The following SDK1 variants were observed in gnomAD, a reference collection of about 807,000 sequenced individuals.
SDK1 encodes the protein protein sidekick-1.
SDK1 carries 157 observed loss-of-function variants against 245.5 expected under a neutral mutation model. That is an observed-to-expected ratio of 0.64 (90% CI 0.56 to 0.73). The LOEUF is 0.73. SDK1 is among the 30% of genes least tolerant of loss of function. SDK1 has a pLI of 0.00. For missense variants in SDK1, 3,583 were observed against 3,002.3 expected (o/e 1.19, Z -4.52); for synonymous variants, 1,647 against 1,278.5 (o/e 1.29, Z -6.15).
chr7:3,627,642 C>G (rs532430180), intron 2 of SDK1, among the ~76,000 whole-genome samples: 3 of 152,320 alleles, frequency 2.0e-5, no homozygotes, highest in Admixed American at 2.0e-4. Flanking sequence ...TTGGCAAAAG[C>G]TAGATTAGCT....
At chr7:3,981,522 A>G (rs577946759) in intron 13 of SDK1, among the ~76,000 whole-genome samples, 351 of 152,352 alleles carry the variant, frequency 2.3e-3, no homozygotes, top group Non-Finnish European at 3.7e-3. Flanking sequence ...GACAAAAGCC[A>G]GGCCTCTTGC....
intron 1 of SDK1, among the ~76,000 whole-genome samples, chr7:3,515,275 T>G (rs1782707916): frequency 6.6e-6 from 1 of 152,150 alleles, no homozygotes; most frequent in Admixed American, 6.5e-5. Flanking sequence ...TTCTGTATTT[T>G]AGAAAAAGAA....
intron 1 of SDK1, among the ~76,000 whole-genome samples, chr7:3,455,332 C>G (rs976401583): frequency 6.7e-6 from 1 of 150,262 alleles, no homozygotes; most frequent in Admixed American, 6.6e-5. Flanking sequence ...CTTTTAGAGT[C>G]AATTCTAAGA....
At position 3,569,305 on chromosome 7, in the gene SDK1, C is replaced by T. The variant is rs186110625; in HGVS notation, c.299-49775C>T. Among the ~76,000 whole-genome samples, 4 of 152,164 alleles carry T rather than the reference C, an allele frequency of 2.6e-5. No homozygotes were observed. The East Asian group carries it at 5.8e-4, about 22-fold the overall frequency. On this transcript the variant is annotated intron_variant, in intron 1 of 44. Coordinates refer to ENST00000404826, the MANE Select transcript of SDK1 (RefSeq NM_152744.4). ...AAATGCTGAGAGCCTGGTTCATCTG[C>T]CAGGACCGTGCATGATTTGAGTGAT...
intron 5 of SDK1, among the ~76,000 whole-genome samples, chr7:3,869,792 AG>A (rs1326515572): frequency 6.6e-6 from 1 of 152,224 alleles, no homozygotes; most frequent in African/African-American, 2.4e-5. Context: ...AAAAAGGAGG[AG>A]GGGGCTACAG....
intron 1 of SDK1, among the ~76,000 whole-genome samples, chr7:3,470,535 T>C (rs1487633834): frequency 6.6e-6 from 1 of 151,854 alleles, no homozygotes; most frequent in Non-Finnish European, 1.5e-5. Flanking sequence ...AGAAGTCTGC[T>C]TTGAGGTTCT....
intron 4 of SDK1, among the ~76,000 whole-genome samples, chr7:3,800,366 C>CTTATTTATTTAT (rs574004354): frequency 0.014 from 2,056 of 148,186 alleles, 23 homozygotes; most frequent in Middle Eastern, 0.031. Flanking sequence ...TACTTACTTA[C>CTTATTTATTTAT]TTACTTATTT....
intron 25 of SDK1, among the ~76,000 whole-genome samples, chr7:4,118,341 C>G (rs1329841227): frequency 1.3e-5 from 2 of 152,176 alleles, no homozygotes; most frequent in Admixed American, 6.5e-5. Flanking sequence ...ACATCATTAA[C>G]TGTTAGGGAA....
intron 1 of SDK1, among the ~76,000 whole-genome samples, chr7:3,466,166 T>G (rs1056352240): frequency 6.6e-6 from 1 of 151,792 alleles, no homozygotes; most frequent in Non-Finnish European, 1.5e-5. Context: ...CTGAAAACCC[T>G]GTGGGAAACT....
intron 4 of SDK1, among the ~76,000 whole-genome samples, chr7:3,701,579 A>G (rs574492459): frequency 6.6e-6 from 1 of 152,260 alleles, no homozygotes; most frequent in East Asian, 1.9e-4. Context: ...AGCTTGGGTG[A>G]TAGAGCGAGA....
intron 19 of SDK1, among the ~76,000 whole-genome samples, chr7:4,062,275 G>A (rs1311163956): frequency 6.6e-6 from 1 of 152,090 alleles, no homozygotes; most frequent in African/African-American, 2.4e-5. Flanking sequence ...TGCAAAAGGA[G>A]ACATTATAAC....
chr7:3,823,511 G>C (rs1195371011), intron 5 of SDK1, among the ~76,000 whole-genome samples: 1 of 152,164 alleles, frequency 6.6e-6, no homozygotes, highest in Admixed American at 6.5e-5. Context: ...AAAATAAAGC[G>C]AGTACAGTGA....
At chr7:3,716,137 G>C (rs1040299745) in intron 4 of SDK1, among the ~76,000 whole-genome samples, 6 of 149,768 alleles carry the variant, frequency 4.0e-5, no homozygotes, top group Non-Finnish European at 5.9e-5. Context: ...AAAATGAACA[G>C]AGGCTCCTGT....
At position 3,935,726 on chromosome 7, in the gene SDK1, A is replaced by G. The variant is rs181002029; in HGVS notation, c.848-15197A>G. On this transcript the variant is annotated intron_variant, in intron 5 of 44. Coordinates refer to ENST00000404826, the MANE Select transcript of SDK1 (RefSeq NM_152744.4). ...GCTGTAATTCAAAACAGAAAACACA[A>G]CAAAAACAGAAAGTAACAAGTGTTG... Among the ~76,000 whole-genome samples, 234 of 152,348 alleles carry G rather than the reference A, an allele frequency of 1.5e-3. 1 individual carries two copies. Among genetic ancestry groups the G allele is most frequent in the African/African-American group, 5.5e-3 (229 of 41,576 alleles).
At chr7:3,436,648 C>T (rs1384947397) in intron 1 of SDK1, among the ~76,000 whole-genome samples, 1 of 151,848 alleles carries the variant, frequency 6.6e-6, no homozygotes, top group East Asian at 1.9e-4. Flanking sequence ...GGCTATGAAC[C>T]ATGTAATATT....
Position 3,967,318 on chromosome 7 carries a change from A to G in SDK1, c.1430A>G (p.Asn477Ser), listed in dbSNP as rs540918640. Residue 477 changes from asparagine (N) to serine (S), a missense_variant and splice_region_variant, in exon 10 of 45, where the codon AAT becomes AGT. Physicochemically the swap from Asn to Ser is conservative, Grantham distance 46 (BLOSUM62 1). Transcript: ENST00000404826. The part of the protein sequence containing the change: ...IQTHTYLDVT[N>S]IAPVFTQRPV... ...TCATTTCATTTACTCCTCTTCTCAG[A>G]TATCGCTCCAGTGTTCACCCAGCGG... 1.2e-6 allele frequency: 2 copies of G among 1,610,756 alleles called. No homozygotes were observed. The highest frequency in any genetic ancestry group is 2.2e-5 in the East Asian group (1 of 44,860).
At chr7:3,385,938 A>C (rs575017627) in intron 1 of SDK1, among the ~76,000 whole-genome samples, 1 of 152,234 alleles carries the variant, frequency 6.6e-6, no homozygotes, top group South Asian at 2.1e-4. Flanking sequence ...TCTCTAGTAG[A>C]ATCAAAATAC....
chr7:3,540,454 G>T (rs1282495082), intron 1 of SDK1, among the ~76,000 whole-genome samples: 1 of 152,152 alleles, frequency 6.6e-6, no homozygotes, highest in Non-Finnish European at 1.5e-5. Flanking sequence ...CTTCATTTAA[G>T]GGGCAAGTGG....
chr7:3,961,091 T>G (rs531191845), intron 8 of SDK1, among the ~76,000 whole-genome samples: 1 of 152,258 alleles, frequency 6.6e-6, no homozygotes, highest in Non-Finnish European at 1.5e-5. Context: ...AACTGCTTGT[T>G]AAGTGTAGAC....
Sources: gnomAD v4.1 joint callset for allele counts (sites outside exome capture counted in the v4.1 genomes callset) on GRCh38, gnomAD v4.1.1 for gene constraint, MANE v1.5 for transcripts, NCBI Gene and HGNC (gene_info 2026-07-23, HGNC 2026-07-21) for gene names.